MITF: variants seen among roughly 807,000 people sequenced by gnomAD.
The protein encoded by MITF is microphthalmia-associated transcription factor.
In MITF, 17 loss-of-function variants were observed where a neutral mutation model predicts 60.5. The observed-to-expected ratio is 0.28, with a 90% CI of 0.19 to 0.42. MITF has a LOEUF of 0.42. Ranked by LOEUF, MITF falls within the 10% of genes least tolerant of loss-of-function variation. MITF has a pLI of 1.00. For missense variants in MITF, 622 were observed against 683.5 expected, an observed-to-expected ratio of 0.91 and a Z score of 1.00; for synonymous variants, 260 against 248.5, an observed-to-expected ratio of 1.05 and a Z score of -0.43.
intron 2 of MITF, among the ~76,000 whole-genome samples, chr3:69,900,289 A>G (rs940718176): frequency 1.3e-5 from 2 of 152,106 alleles, no homozygotes; most frequent in African/African-American, 2.4e-5. Context: ...TTTTGCATCA[A>G]TAATAACCGT....
chr3:69,813,908 T>G (rs2063140286), intron 1 of MITF, among the ~76,000 whole-genome samples: 1 of 152,132 alleles, frequency 6.6e-6, no homozygotes, highest in Non-Finnish European at 1.5e-5. Context: ...CTATGGGAAC[T>G]TAATGGAGGG....
intron 1 of MITF, among the ~76,000 whole-genome samples, chr3:69,860,937 C>A (rs990821375): frequency 2.6e-5 from 4 of 152,076 alleles, no homozygotes; most frequent in African/African-American, 9.7e-5. Context: ...AAAATAGAAA[C>A]AGGATGAAAG....
intron 2 of MITF, among the ~76,000 whole-genome samples, chr3:69,910,535 ACAGT>A (rs1233456075): frequency 6.6e-6 from 1 of 152,176 alleles, no homozygotes; most frequent in Admixed American, 6.5e-5. Flanking sequence ...GCCCATGAAA[ACAGT>A]CAGGAGGGAG....
intron 1 of MITF, among the ~76,000 whole-genome samples, chr3:69,830,834 C>A (rs538816679): frequency 2.0e-5 from 3 of 152,198 alleles, no homozygotes; most frequent in Non-Finnish European, 4.4e-5. Flanking sequence ...TCATGAATCT[C>A]ATGTCTTACG....
rs376996801 is a variant in MITF, at chr3:69,895,973, C to T, written c.354+16590C>T. 5.2e-4 allele frequency among the ~76,000 whole-genome samples: 79 copies of T among 151,906 alleles called. 3 individuals carry two copies. The South Asian group carries it at 0.016, about 31-fold the overall frequency. ...GCTAACACCCCCCTTCCCCTATTTA[C>T]CTCCCTCCCTCGCTCACTCCTTTCC... On this transcript the variant is annotated intron_variant, in intron 2 of 9. Coordinates refer to ENST00000352241, the MANE Select transcript of MITF (RefSeq NM_001354604.2).
Position 69,785,133 on chromosome 3 carries a change from G to C in MITF, c.104+45432G>C, listed in dbSNP as rs566248460. ...TGGAGAACTTTTGGCTGCAGAGCTG[G>C]GCTGATCTGTGTGGCACTGAGCATA... On this transcript the variant is annotated intron_variant, in intron 1 of 9. Transcript: ENST00000352241. Among the ~76,000 whole-genome samples the C allele has an allele frequency of 4.6e-5, 7 of 151,986 alleles. No individual in the cohort carries two copies. In the South Asian group the frequency reaches 1.5e-3, roughly 32 times the overall value.
At chr3:69,831,140 G>T (rs1170755035) in intron 1 of MITF, among the ~76,000 whole-genome samples, 3 of 152,134 alleles carry the variant, frequency 2.0e-5, no homozygotes, top group Non-Finnish European at 4.4e-5. Flanking sequence ...CTTAAATATT[G>T]GTTGCAATAA....
At chr3:69,914,623 C>G (rs770666463) in intron 2 of MITF, among the ~76,000 whole-genome samples, 2 of 152,124 alleles carry the variant, frequency 1.3e-5, no homozygotes, top group Admixed American at 6.6e-5. Context: ...ACCTGTCCCC[C>G]CCTGGAGCAC....
rs951944442 is a variant in MITF at position 69,966,378 on chromosome 3, C to A, written c.*1130C>A. 20 of 232,802 alleles carry A rather than the reference C, an allele frequency of 8.6e-5. No homozygotes were observed. Among genetic ancestry groups the A allele is most frequent in the African/African-American group, 4.2e-4 (19 of 45,310 alleles). 14.4% of individuals were successfully genotyped at this position (232,802 alleles called of 1,614,324 possible). ...ATATTTTGTAAATTACAGTCTCACT[C>A]AGAACTGTTTTTGGACACATTTAAG... On this transcript the variant is annotated 3_prime_UTR_variant, in exon 10 of 10. Coordinates refer to ENST00000352241, the MANE Select transcript of MITF (RefSeq NM_001354604.2).
rs545817168 is a variant in MITF at position 69,813,597 on chromosome 3, G to C, written c.105-65537G>C. 1.8e-4 allele frequency among the ~76,000 whole-genome samples: 28 copies of C among 152,270 alleles called. No homozygotes were observed. In the East Asian group the frequency reaches 5.2e-3, roughly 28 times the overall value. On this transcript the variant is annotated intron_variant, in intron 1 of 9. Transcript: ENST00000352241. Reference sequence around the variant, plus strand: ...GGAACACAAGTCTCTTGAATCATTAGCTTTTCTGGAGTTACGCAGCTTTTG... The same window carrying C: ...GGAACACAAGTCTCTTGAATCATTACCTTTTCTGGAGTTACGCAGCTTTTG...
intron 1 of MITF, among the ~76,000 whole-genome samples, chr3:69,784,623 A>G (rs2062619142): frequency 6.6e-6 from 1 of 151,944 alleles, no homozygotes; most frequent in African/African-American, 2.4e-5. Flanking sequence ...CCTCCCCCAT[A>G]TTAGAGAAAT....
intron 2 of MITF, among the ~76,000 whole-genome samples, chr3:69,887,312 G>C (rs561693820): frequency 6.6e-6 from 1 of 152,246 alleles, no homozygotes; most frequent in Admixed American, 6.5e-5. Flanking sequence ...GTGAACATGT[G>C]TAAGCAAAAT....
At chr3:69,926,590 G>A (rs764597610) in intron 2 of MITF, among the ~76,000 whole-genome samples, 10 of 152,138 alleles carry the variant, frequency 6.6e-5, no homozygotes, top group Non-Finnish European at 1.3e-4. Flanking sequence ...AGACGTCTGC[G>A]ATTCTGAGGC....
intron 1 of MITF, among the ~76,000 whole-genome samples, chr3:69,756,816 G>T (rs1351539354): frequency 6.6e-6 from 1 of 152,128 alleles, no homozygotes; most frequent in Non-Finnish European, 1.5e-5. Context: ...ACTTTTTAAT[G>T]ATTGCTACTC....
chr3:69,962,237 G>A (rs898117972), intron 9 of MITF, among the ~76,000 whole-genome samples: 2 of 152,170 alleles, frequency 1.3e-5, no homozygotes, highest in African/African-American at 4.8e-5. Context: ...ATGGGCCTAA[G>A]GGCTTTCTTT....
chr3:69,930,464 T>C (rs1422560172), intron 2 of MITF, among the ~76,000 whole-genome samples: 3 of 152,222 alleles, frequency 2.0e-5, no homozygotes, highest in African/African-American at 7.2e-5. Flanking sequence ...GAGGGCTGTA[T>C]GCTTGGCTGG....
At chr3:69,809,009 A>C (rs77838341) in intron 1 of MITF, among the ~76,000 whole-genome samples, 1 of 152,120 alleles carries the variant, frequency 6.6e-6, no homozygotes, top group South Asian at 2.1e-4. Flanking sequence ...ACTTTAGAGT[A>C]GTAACAGTGG....
At chr3:69,879,691 TG>T (rs1263975220) in intron 2 of MITF, among the ~76,000 whole-genome samples, 1 of 152,200 alleles carries the variant, frequency 6.6e-6, no homozygotes, top group Non-Finnish European at 1.5e-5. Flanking sequence ...TTATCTGAGG[TG>T]GGCCTCTTCT....
intron 1 of MITF, among the ~76,000 whole-genome samples, chr3:69,845,442 C>CTTTTTTTTT (rs751773040): frequency 7.3e-6 from 1 of 136,810 alleles, no homozygotes; most frequent in Non-Finnish European, 1.5e-5. Flanking sequence ...TTTTTTCTTT[C>CTTTTTTTTT]TTTTTTTTTT....
Sources: gnomAD v4.1 joint callset for allele counts (sites outside exome capture counted in the v4.1 genomes callset) on GRCh38, gnomAD v4.1.1 for gene constraint, MANE v1.5 for transcripts, NCBI Gene and HGNC (gene_info 2026-07-23, HGNC 2026-07-21) for gene names.